BNIP1: variants seen among roughly 807,000 people sequenced by gnomAD.
BNIP1 encodes the protein BCL2 interacting protein 1, also known as vesicle transport protein SEC20.
Under a neutral mutation model 28.5 loss-of-function variants are expected in BNIP1, and 25 were observed. The ratio of observed to expected loss-of-function variants is 0.88; its 90% confidence interval spans 0.64 to 1.23. The LOEUF is 1.23. Among genes scored for constraint, BNIP1 ranks in the 50% most tolerant of loss-of-function variants. The pLI is 0.00. For missense variants in BNIP1, 276 were observed against 277.0 expected, an observed-to-expected ratio of 1.00 and a Z score of 0.02; for synonymous variants, 118 against 101.7, an observed-to-expected ratio of 1.16 and a Z score of -0.96.
At chr5:173,156,324 C>T (rs1760184395) in intron 3 of BNIP1, among the ~76,000 whole-genome samples, 1 of 152,174 alleles carries the variant, frequency 6.6e-6, no homozygotes, top group Admixed American at 6.5e-5. Context: ...TGTAGCATTA[C>T]AGGCCAGAGC....
At position 173,147,399 on chromosome 5, in the gene BNIP1, T is replaced by C. The variant is rs974689626; in HGVS notation, c.177+441T>C. Among the ~76,000 whole-genome samples the C allele has an allele frequency of 2.0e-5, 3 of 151,480 alleles. No individual in the cohort carries two copies. In the East Asian group the frequency reaches 5.8e-4, roughly 29 times the overall value. On this transcript the variant is annotated intron_variant, in intron 2 of 5. Transcript: ENST00000351486. ...CAGCCTGGGCGACAGAGCGAGACTC[T>C]GTCTCAAAAAAAAAAACAAGAAACT...
chr5:173,160,157 C>T (rs1460286543), intron 5 of BNIP1, 106 bp downstream of exon 5: 144 of 1,033,800 alleles, frequency 1.4e-4, no homozygotes, highest in Non-Finnish European at 1.9e-4. Context: ...ACACGATGTT[C>T]ACTGACTTGG....
chr5:173,148,756 A>G (rs1430758864), intron 2 of BNIP1, among the ~76,000 whole-genome samples: 3 of 111,456 alleles, frequency 2.7e-5, no homozygotes, highest in Admixed American at 8.8e-5. Flanking sequence ...TATATTGTTC[A>G]TGATTCTTCT....
intron 2 of BNIP1, 23 bp downstream of exon 2, chr5:173,146,981 A>T (rs1436047070): frequency 1.3e-6 from 2 of 1,576,932 alleles, no homozygotes; most frequent in Middle Eastern, 1.7e-4. Context: ...AATTCAGTCA[A>T]TGAAGGGGGC....
chr5:173,151,673 A>G, intron 2 of BNIP1: 1 of 1,613,572 alleles, frequency 6.2e-7, no homozygotes, highest in Non-Finnish European at 8.5e-7. Context: ...TCAACTCTCC[A>G]ACTACACCTG....
chr5:173,145,665 A>G (rs913717656), intron 1 of BNIP1, among the ~76,000 whole-genome samples: 2 of 152,102 alleles, frequency 1.3e-5, no homozygotes, highest in Non-Finnish European at 2.9e-5. Flanking sequence ...GGCCTCCCAA[A>G]TTGCTGGGAT....
chr5:173,148,227 G>A (rs1048642098), intron 2 of BNIP1, among the ~76,000 whole-genome samples: 3 of 148,712 alleles, frequency 2.0e-5, no homozygotes, highest in Non-Finnish European at 4.4e-5. Flanking sequence ...GCCTCTGAAA[G>A]TGCTGGGGTT....
intron 3 of BNIP1, among the ~76,000 whole-genome samples, chr5:173,156,774 G>A (rs1371756889): frequency 2.7e-5 from 4 of 149,870 alleles, no homozygotes; most frequent in East Asian, 4.0e-4. Flanking sequence ...CAGCCTCTCC[G>A]AGTAGCTGGG....
At chr5:173,145,616 G>A (rs1029015530) in intron 1 of BNIP1, among the ~76,000 whole-genome samples, 1 of 152,138 alleles carries the variant, frequency 6.6e-6, no homozygotes, top group Non-Finnish European at 1.5e-5. Context: ...TGTTAGCCAG[G>A]ATGGTCTCGA....
At chr5:173,146,794 A>T in intron 1 of BNIP1, 72 bp from the exon 2 acceptor site, 1 of 1,179,502 alleles carries the variant, frequency 8.5e-7, no homozygotes, top group Non-Finnish European at 1.3e-6. Flanking sequence ...AACCAACTCT[A>T]TCACTGTATG....
At chr5:173,160,177 C>G in intron 5 of BNIP1, 126 bp downstream of exon 5, 1 of 790,774 alleles carries the variant, frequency 1.3e-6, no homozygotes, top group Non-Finnish European at 2.1e-6. Context: ...GGTGGCTTCT[C>G]CCTCATGAGA....
At chr5:173,150,396 AACAG>A (rs1759981938) in intron 2 of BNIP1, among the ~76,000 whole-genome samples, 1 of 152,134 alleles carries the variant, frequency 6.6e-6, no homozygotes, top group Non-Finnish European at 1.5e-5. Flanking sequence ...ACCCCTGAGA[AACAG>A]TATGTCTGTG....
At chr5:173,146,993 C>T in intron 2 of BNIP1, 35 bp downstream of exon 2, 1 of 1,537,342 alleles carries the variant, frequency 6.5e-7, no homozygotes, top group Non-Finnish European at 9.0e-7. Flanking sequence ...GAAGGGGGCT[C>T]TGTCCTGGGT....
At chr5:173,153,321 G>A (rs1408789921) in intron 2 of BNIP1, among the ~76,000 whole-genome samples, 1 of 151,434 alleles carries the variant, frequency 6.6e-6, no homozygotes, top group Non-Finnish European at 1.5e-5. Context: ...TCTGCCTCCC[G>A]GGTTCACGCC....
chr5:173,159,964 T>C lies in BNIP1; in HGVS notation c.403T>C (p.Ser135Pro), dbSNP rs752841614. 1.2e-6 allele frequency: 2 copies of C among 1,614,112 alleles called. No individual in the cohort carries two copies. Among genetic ancestry groups the C allele is most frequent in the Non-Finnish European group, 1.7e-6 (2 of 1,179,992 alleles). The change falls in exon 5 of 6, where the codon TCC becomes CCC. Residue 135 changes from serine (S) to proline (P), a missense_variant. By Grantham distance (74) the Ser-to-Pro change is moderately conservative (BLOSUM62 -1). Coordinates refer to ENST00000351486, the MANE Select transcript of BNIP1 (RefSeq NM_001205.3). ...CACCAAAGAGAGCCTGGCCCAGACATCCAGTACCATCACTGAGAGCCTCAT... is the reference window on the plus strand; with the variant it reads ...CACCAAAGAGAGCCTGGCCCAGACACCCAGTACCATCACTGAGAGCCTCAT... ...KTTKESLAQT[S>P]STITESLMGI...
chr5:173,144,719 C>T, intron 1 of BNIP1, 90 bp downstream of exon 1: 1 of 1,387,272 alleles, frequency 7.2e-7, no homozygotes, highest in Non-Finnish European at 1.0e-6. Context: ...CCCGAACTTT[C>T]CCCACTTGGT....
At chr5:173,153,344 C>T (rs1473090912) in intron 2 of BNIP1, among the ~76,000 whole-genome samples, 1 of 151,930 alleles carries the variant, frequency 6.6e-6, no homozygotes, top group African/African-American at 2.4e-5. Context: ...TCTCCTGCCT[C>T]AGCCTCCTGA....
chr5:173,160,901 A>G, intron 5 of BNIP1: 1 of 456,262 alleles, frequency 2.2e-6, no homozygotes, highest in African/African-American at 2.0e-5. Flanking sequence ...TAGTTTTCCC[A>G]GAGTGTCTCC....
At chr5:173,160,577 T>G (rs972164341) in intron 5 of BNIP1, among the ~76,000 whole-genome samples, 1 of 152,054 alleles carries the variant, frequency 6.6e-6, no homozygotes, top group Non-Finnish European at 1.5e-5. Context: ...CATCGATGTT[T>G]CCTCAGGGGG....
Sources: gnomAD v4.1 joint callset for allele counts (sites outside exome capture counted in the v4.1 genomes callset) on GRCh38, gnomAD v4.1.1 for gene constraint, MANE v1.5 for transcripts, NCBI Gene and HGNC (gene_info 2026-07-23, HGNC 2026-07-21) for gene names.